CDH13: variants seen among roughly 807,000 people sequenced by gnomAD.
The protein encoded by CDH13 is cadherin 13.
In CDH13, 24 loss-of-function variants were observed where a neutral mutation model predicts 63.8. The ratio of observed to expected loss-of-function variants is 0.38; its 90% CI spans 0.27 to 0.53. The LOEUF (loss-of-function observed/expected upper bound fraction) is 0.53, where lower values mean the gene tolerates loss of function less well. Ranked by LOEUF, CDH13 falls within the 20% of genes least tolerant of loss-of-function variation. CDH13 has a pLI of 0.85. For missense variants in CDH13, 1,049 were observed against 903.1 expected (o/e 1.16, Z -2.07); for synonymous variants, 503 against 355.3 (o/e 1.42, Z -4.67).
At position 83,038,221 on chromosome 16, in the gene CDH13, T is replaced by G. The variant is rs144659808; in HGVS notation, c.366+6003T>G. 2.6e-5 allele frequency among the ~76,000 whole-genome samples: 4 copies of G among 152,352 alleles called. No homozygotes were observed. In the East Asian group the frequency reaches 5.8e-4, roughly 22 times the overall value. ...TGGTAACTGGAGCCTGGCTCTTCTT[T>G]AATAAAAGGAGCCTGGCCTCTCTTA... On this transcript the variant is annotated intron_variant, in intron 3 of 13. Coordinates refer to ENST00000567109, the MANE Select transcript of CDH13 (RefSeq NM_001257.5).
chr16:83,201,461 C>T (rs2039026358), intron 4 of CDH13, among the ~76,000 whole-genome samples: 1 of 151,692 alleles, frequency 6.6e-6, no homozygotes, highest in African/African-American at 2.4e-5. Flanking sequence ...ATTGAGATTT[C>T]TGTAGCAACA....
chr16:83,588,234 C>T (rs1264345253), intron 7 of CDH13, among the ~76,000 whole-genome samples: 3 of 152,242 alleles, frequency 2.0e-5, no homozygotes, highest in Non-Finnish European at 4.4e-5. Flanking sequence ...CACCCTGCCA[C>T]GCCCCGCAAA....
chr16:83,402,509 T>G (rs1409789135), intron 6 of CDH13, among the ~76,000 whole-genome samples: 4 of 152,364 alleles, frequency 2.6e-5, no homozygotes, highest in Admixed American at 2.6e-4. Context: ...TTAACATATA[T>G]TTTGTCTATG....
intron 1 of CDH13, among the ~76,000 whole-genome samples, chr16:82,774,722 T>A (rs1406630975): frequency 6.6e-6 from 1 of 152,176 alleles, no homozygotes; most frequent in African/African-American, 2.4e-5. Context: ...TCCACCAGGA[T>A]AGGTGAGGCT....
At position 83,418,510 on chromosome 16, in the gene CDH13, T is replaced by C. The variant is rs551980727; in HGVS notation, c.782-67967T>C. Among the ~76,000 whole-genome samples, 13 of 152,280 alleles carry C rather than the reference T, an allele frequency of 8.5e-5. No individual in the cohort carries two copies. The South Asian group carries it at 2.7e-3, about 32-fold the overall frequency. ...GGTCAGTAGGTTGTTCCTATAGCTA[T>C]GGGGACAATATAGTGAGGGTATGAG... On this transcript the variant is annotated intron_variant, in intron 6 of 13. Transcript: ENST00000567109.
At chr16:82,844,989 C>G (rs1903618) in intron 1 of CDH13, among the ~76,000 whole-genome samples, 97,320 of 151,842 alleles carry the variant, frequency 0.64, 31,846 homozygotes, top group East Asian at 0.87. Flanking sequence ...GATTTTAGAA[C>G]TTTGTTACAG....
At chr16:83,191,525 A>ATG (rs2038710766) in intron 4 of CDH13, among the ~76,000 whole-genome samples, 1 of 97,438 alleles carries the variant, frequency 1.0e-5, no homozygotes, top group Non-Finnish European at 2.0e-5. Context: ...ACACACACAC[A>ATG]CACACATATA....
At chr16:83,043,059 G>C (rs925152122) in intron 3 of CDH13, among the ~76,000 whole-genome samples, 2 of 152,150 alleles carry the variant, frequency 1.3e-5, no homozygotes, top group African/African-American at 4.8e-5. Context: ...GAAAATTATT[G>C]TACGGATCCA....
chr16:82,934,960 C>T (rs557396807), intron 2 of CDH13, among the ~76,000 whole-genome samples: 36 of 152,354 alleles, frequency 2.4e-4, no homozygotes, highest in African/African-American at 8.2e-4. Context: ...GTTCCAACCT[C>T]TGCCTGTTAC....
intron 3 of CDH13, among the ~76,000 whole-genome samples, chr16:83,092,154 C>G (rs1016391875): frequency 2.0e-5 from 3 of 152,130 alleles, no homozygotes; most frequent in Non-Finnish European, 2.9e-5. Context: ...CATTCTTGTT[C>G]CCGTTTTATA....
chr16:82,815,635 C>T (rs2037667143), intron 1 of CDH13, among the ~76,000 whole-genome samples: 1 of 152,168 alleles, frequency 6.6e-6, no homozygotes, highest in Admixed American at 6.5e-5. Flanking sequence ...CTGGTGGATG[C>T]TGCTTCGTTT....
At chr16:83,283,019 C>T (rs1424184) in intron 5 of CDH13, among the ~76,000 whole-genome samples, 128,426 of 152,202 alleles carry the variant, frequency 0.84, 54,885 homozygotes, top group East Asian at 1. Flanking sequence ...TATAGCATTG[C>T]TGAGAAAATT....
At chr16:83,131,786 C>A (rs190978847) in intron 4 of CDH13, among the ~76,000 whole-genome samples, 1 of 152,110 alleles carries the variant, frequency 6.6e-6, no homozygotes, top group Non-Finnish European at 1.5e-5. Context: ...TTTAAAGACC[C>A]TATAAATTGG....
chr16:82,730,205 G>C (rs1038824745), intron 1 of CDH13, among the ~76,000 whole-genome samples: 2 of 152,186 alleles, frequency 1.3e-5, no homozygotes, highest in African/African-American at 2.4e-5. Context: ...CAACTTGGTT[G>C]ATTGGCCTAA....
chr16:82,969,241 C>T (rs1182054299), intron 2 of CDH13, among the ~76,000 whole-genome samples: 1 of 152,182 alleles, frequency 6.6e-6, no homozygotes, highest in Admixed American at 6.5e-5. Context: ...GATATAGTTT[C>T]TCTTATAACT....
At position 83,264,683 on chromosome 16, in the gene CDH13, TTACCCCTCTGCC is replaced by T. The variant is rs1194479426; in HGVS notation, c.636+47194_636+47205del. 2.6e-5 allele frequency among the ~76,000 whole-genome samples: 4 copies of T among 151,982 alleles called. No homozygotes were observed. The East Asian group carries it at 7.7e-4, about 29-fold the overall frequency. On this transcript the variant is annotated intron_variant, in intron 5 of 13. Transcript: ENST00000567109. The stretch of plus-strand genomic sequence containing the variant: ...TCAAATCATATCTATGGCTTGCAGC[TTACCCCTCTGCC>T]TACCCCTAATTTCTAATTCCTAGAG...
At chr16:83,227,787 C>A (rs563579738) in intron 5 of CDH13, among the ~76,000 whole-genome samples, 1 of 152,086 alleles carries the variant, frequency 6.6e-6, no homozygotes, top group African/African-American at 2.4e-5. Context: ...AGTGCAGACT[C>A]GGCAGCTCCA....
intron 3 of CDH13, among the ~76,000 whole-genome samples, chr16:83,123,868 GTTGT>G (rs1423572127): frequency 6.6e-6 from 1 of 152,040 alleles, no homozygotes; most frequent in African/African-American, 2.4e-5. Context: ...ACCAATATTT[GTTGT>G]TTAAGACTTT....
intron 8 of CDH13, among the ~76,000 whole-genome samples, chr16:83,670,021 C>T (rs1914362796): frequency 6.6e-6 from 1 of 152,136 alleles, no homozygotes; most frequent in Non-Finnish European, 1.5e-5. Flanking sequence ...TTATTTTCAC[C>T]ACACCTACTT....
Sources: allele counts gnomAD v4.1 joint callset (sites outside exome capture counted in the v4.1 genomes callset), GRCh38; gene constraint gnomAD v4.1.1; transcripts MANE v1.5; gene names NCBI Gene and HGNC (gene_info 2026-07-23, HGNC 2026-07-21).